OSBPL11: variants seen among roughly 807,000 people sequenced by gnomAD.
OSBPL11 encodes oxysterol-binding protein-related protein 11.
A neutral mutation model predicts 84.4 loss-of-function variants in OSBPL11; 33 were observed. The ratio of observed to expected loss-of-function variants is 0.39; its 90% CI spans 0.30 to 0.52. The LOEUF is 0.52. OSBPL11 is among the 20% of genes least tolerant of loss of function. OSBPL11 has a pLI of 0.72. For missense variants in OSBPL11, 736 were observed against 901.1 expected (o/e 0.82, Z 2.35); for synonymous variants, 276 against 310.2 (o/e 0.89, Z 1.16).
chr3:125,566,652 C>T (rs1386855276), intron 6 of OSBPL11, among the ~76,000 whole-genome samples: 1 of 152,110 alleles, frequency 6.6e-6, no homozygotes, highest in Non-Finnish European at 1.5e-5. Flanking sequence ...AGTTATTGCT[C>T]ATACAATGTG....
chr3:125,556,728 A>T lies in OSBPL11; in HGVS notation c.1155+3651T>A, dbSNP rs546860893. Among the ~76,000 whole-genome samples, 7 of 152,340 alleles carry T rather than the reference A, an allele frequency of 4.6e-5. No homozygotes were observed. In the South Asian group the frequency reaches 1.0e-3, roughly 23 times the overall value. The stretch of plus-strand genomic sequence containing the variant: ...CCTTTCCTTATGCTAAGCTTATGTT[A>T]GCTATTCATTTTTTCCTAAACATCA... On this transcript the variant is annotated intron_variant, in intron 8 of 12. Transcript: ENST00000296220.
chr3:125,552,349 C>T lies in OSBPL11; in HGVS notation c.1486G>A (p.Gly496Arg), dbSNP rs377242399. ...AATCTGACTGTGTAACAGTCTGATC[C>T]CACCTGGGTCAAAGACTCCCCCGAT... ...PLSGESLTQV[G>R]SDCYTVRFVA... The change falls in exon 9 of 13, where the codon GGA becomes AGA. Residue 496 changes from glycine (G) to arginine (R), a missense_variant. Physicochemically the swap from Gly to Arg is moderately radical, Grantham distance 125 (BLOSUM62 -2). Transcript: ENST00000296220. The T allele has an allele frequency of 2.7e-5, 44 of 1,613,872 alleles. No homozygotes were observed. The highest frequency in any genetic ancestry group is 3.6e-5 in the Non-Finnish European group (42 of 1,180,008).
chr3:125,590,741 T>C (rs1426042255), intron 1 of OSBPL11, among the ~76,000 whole-genome samples: 1 of 152,088 alleles, frequency 6.6e-6, no homozygotes, highest in Non-Finnish European at 1.5e-5. Flanking sequence ...TAGTAGAGAC[T>C]CAAAAATATT....
intron 8 of OSBPL11, among the ~76,000 whole-genome samples, chr3:125,553,475 G>GT (rs1935944436): frequency 1.3e-5 from 2 of 150,998 alleles, no homozygotes; most frequent in South Asian, 2.1e-4. Context: ...CCAGGTAAGT[G>GT]TAAGAAAGAT....
Position 125,595,098 on chromosome 3 carries a change from CAAAAG to C in OSBPL11, c.-303_-299del, listed in dbSNP as rs1936661691. The C allele has an allele frequency of 3.6e-6, 1 of 280,170 alleles. No homozygotes were observed. Among genetic ancestry groups the C allele is most frequent in the Admixed American group, 4.6e-5 (1 of 21,518 alleles). 17.4% of individuals were successfully genotyped at this position (280,170 alleles called of 1,614,324 possible). ...GGCGAGAAGACTTAAGTGACATACT[CAAAAG>C]AGAAGGAGTGTGGGGAGGTCGCAGA... On this transcript the variant is annotated 5_prime_UTR_variant, in exon 1 of 13. Coordinates refer to ENST00000296220, the MANE Select transcript of OSBPL11 (RefSeq NM_022776.5).
At chr3:125,573,634 G>T (rs1424711042) in intron 5 of OSBPL11, among the ~76,000 whole-genome samples, 3 of 151,954 alleles carry the variant, frequency 2.0e-5, no homozygotes, top group African/African-American at 7.3e-5. Flanking sequence ...AGGCCGAGGC[G>T]GGTGGATCAC....
intron 5 of OSBPL11, among the ~76,000 whole-genome samples, chr3:125,571,978 CA>C (rs1337304092): frequency 6.6e-6 from 1 of 152,232 alleles, no homozygotes; most frequent in East Asian, 1.9e-4. Flanking sequence ...CATGTGCCTG[CA>C]AAAGCCGCAG....
chr3:125,586,188 T>A (rs1936507633), intron 1 of OSBPL11, among the ~76,000 whole-genome samples: 1 of 152,212 alleles, frequency 6.6e-6, no homozygotes. Context: ...CATATCTGAT[T>A]ATATTATACT....
chr3:125,550,612 A>C (rs562181135), intron 9 of OSBPL11, among the ~76,000 whole-genome samples: 1 of 152,302 alleles, frequency 6.6e-6, no homozygotes, highest in South Asian at 2.1e-4. Context: ...ACACTGTAAG[A>C]TGACATTCAG....
intron 11 of OSBPL11, among the ~76,000 whole-genome samples, chr3:125,534,433 T>G (rs1349939229): frequency 6.7e-6 from 1 of 150,250 alleles, no homozygotes; most frequent in Non-Finnish European, 1.5e-5. Flanking sequence ...ATATTCAGAA[T>G]CATTAAACAA....
At chr3:125,545,802 A>G (rs761007289) in intron 10 of OSBPL11, among the ~76,000 whole-genome samples, 2 of 152,144 alleles carry the variant, frequency 1.3e-5, no homozygotes, top group East Asian at 3.9e-4. Context: ...TGTGGAAACT[A>G]AGGGAGTAAG....
intron 9 of OSBPL11, among the ~76,000 whole-genome samples, 166 bp downstream of exon 9, chr3:125,552,015 C>T (rs1028239137): frequency 6.6e-6 from 1 of 151,658 alleles, no homozygotes; most frequent in African/African-American, 2.4e-5. Context: ...AAAACAGGCA[C>T]TTGACCTTCA....
chr3:125,534,635 C>A (rs1580029840), intron 11 of OSBPL11, among the ~76,000 whole-genome samples: 1 of 143,284 alleles, frequency 7.0e-6, no homozygotes, highest in Admixed American at 6.9e-5. Context: ...GAAATGAAAA[C>A]ACATAAAAAG....
intron 5 of OSBPL11, among the ~76,000 whole-genome samples, chr3:125,572,364 G>A (rs561617633): frequency 2.6e-5 from 4 of 152,264 alleles, no homozygotes; most frequent in African/African-American, 7.2e-5. Flanking sequence ...GCTAAAATGC[G>A]TTAAGTCTTT....
At position 125,552,313 on chromosome 3, in the gene OSBPL11, G is replaced by A; in HGVS notation, c.1522C>T (p.Gln508Ter). ...GAGACTGGAGGATGATGAGAAACCT[G>A]CTCAGCAACAAATCTGACTGTGTAA... ...DCYTVRFVAE[Q>*]VSHHPPVSGF... is the part of the protein sequence containing the mutation. The change falls in exon 9 of 13, where the codon CAG becomes TAG. Residue 508 changes from glutamine to a stop codon, truncating the protein, a stop_gained. Coordinates refer to ENST00000296220, the MANE Select transcript of OSBPL11 (RefSeq NM_022776.5). LOFTEE classifies it high-confidence loss of function. 1.2e-6 allele frequency: 2 copies of A among 1,614,042 alleles called. No individual in the cohort carries two copies. The highest frequency in any genetic ancestry group is 1.7e-6 in the Non-Finnish European group (2 of 1,180,020).
At chr3:125,588,917 C>CT (rs1227768034) in intron 1 of OSBPL11, among the ~76,000 whole-genome samples, 3 of 152,162 alleles carry the variant, frequency 2.0e-5, no homozygotes, top group Non-Finnish European at 2.9e-5. Flanking sequence ...AAAATAAAGT[C>CT]TAACTGTATT....
chr3:125,530,572 G>A lies in OSBPL11; in HGVS notation c.2187C>T (p.Gly729=). 6.2e-7 allele frequency: 1 copy of A among 1,612,766 alleles called. No homozygotes were observed. Among genetic ancestry groups the A allele is most frequent in the Non-Finnish European group, 8.5e-7 (1 of 1,178,844 alleles). ...KTKYFIKEGD[G]WVYHKPLWKI... is the part of the protein sequence containing the mutation. ...TCCAAAGTGGTTTATGATAAACCCA[G>A]CCATCTCCCTGAAACAAATAAAAAG... Residue 729 remains glycine, a synonymous_variant, in exon 13 of 13, where the codon GGC becomes GGT. Transcript: ENST00000296220.
chr3:125,545,356 C>T (rs778926976), intron 10 of OSBPL11, among the ~76,000 whole-genome samples: 1 of 152,164 alleles, frequency 6.6e-6, no homozygotes, highest in African/African-American at 2.4e-5. Flanking sequence ...TGAATCAGAA[C>T]TAAAAATTGA....
chr3:125,540,124 T>C (rs1379112761), intron 10 of OSBPL11, among the ~76,000 whole-genome samples: 2 of 151,952 alleles, frequency 1.3e-5, no homozygotes, highest in African/African-American at 4.8e-5. Context: ...TAAGAGCAAA[T>C]CAAACATTCA....
Sources: allele counts gnomAD v4.1 joint callset (sites outside exome capture counted in the v4.1 genomes callset), GRCh38; gene constraint gnomAD v4.1.1; transcripts MANE v1.5; gene names NCBI Gene and HGNC (gene_info 2026-07-23, HGNC 2026-07-21).